The following MRPL48 variants were observed in gnomAD, a reference collection of about 807,000 sequenced individuals.
MRPL48 encodes the protein mitochondrial ribosomal protein L48.
Under a neutral mutation model 32.9 loss-of-function variants are expected in MRPL48, and 16 were observed. That is an observed-to-expected ratio of 0.49 (90% CI 0.33 to 0.74). The LOEUF (loss-of-function observed/expected upper bound fraction) is 0.74, where lower values mean the gene tolerates loss of function less well. Ranked by LOEUF, MRPL48 falls within the 30% of genes least tolerant of loss-of-function variation. The pLI, the probability that MRPL48 is intolerant of heterozygous loss-of-function variation, is 0.02. For synonymous variants in MRPL48, 94 were observed against 89.2 expected (o/e 1.05, Z -0.31); for missense variants, 206 against 245.3 (o/e 0.84, Z 1.07).
chr11:73,802,610 A>G (rs1330116557), intron 1 of MRPL48, among the ~76,000 whole-genome samples: 1 of 152,068 alleles, frequency 6.6e-6, no homozygotes, highest in Non-Finnish European at 1.5e-5. Flanking sequence ...ATTTAGTATA[A>G]TGTTTTCAAG....
At chr11:73,863,888 A>G (rs1273651955) in intron 7 of MRPL48, among the ~76,000 whole-genome samples, 3 of 151,980 alleles carry the variant, frequency 2.0e-5, no homozygotes, top group Non-Finnish European at 4.4e-5. Context: ...TCTGGTTGGT[A>G]TTTGGGTTTC....
At chr11:73,796,699 G>A (rs1048076891) in intron 1 of MRPL48, among the ~76,000 whole-genome samples, 3 of 152,272 alleles carry the variant, frequency 2.0e-5, no homozygotes, top group Middle Eastern at 3.4e-3. Context: ...GGAACTTAAC[G>A]GTACCTTTTC....
rs1947384407 is a variant in MRPL48, at chr11:73,802,887, G to A, written c.22-2140G>A. The stretch of plus-strand genomic sequence containing the variant: ...GCTAATTTTTTGTTTTGTAGAGAAA[G>A]GGTCTTCCTATGTTGGCCAGGCTGG... On this transcript the variant is annotated intron_variant, in intron 1 of 7. Coordinates refer to ENST00000310614, the MANE Select transcript of MRPL48 (RefSeq NM_016055.6). Among the ~76,000 whole-genome samples, 4 of 151,798 alleles carry A rather than the reference G, an allele frequency of 2.6e-5. No homozygotes were observed. The South Asian group carries it at 8.4e-4, about 32-fold the overall frequency.
At chr11:73,822,187 C>T (rs1947796152) in intron 3 of MRPL48, among the ~76,000 whole-genome samples, 2 of 152,088 alleles carry the variant, frequency 1.3e-5, no homozygotes, top group South Asian at 2.1e-4. Flanking sequence ...CTTTGGGAAC[C>T]TCTGGCCAAA....
chr11:73,835,023 G>T (rs1018258193), intron 4 of MRPL48, among the ~76,000 whole-genome samples: 1 of 151,284 alleles, frequency 6.6e-6, no homozygotes. Context: ...TGTGGAGATG[G>T]GGTCTTGCCA....
Position 73,806,376 on chromosome 11 carries a change from C to T in MRPL48, c.74+1297C>T, listed in dbSNP as rs191879735. On this transcript the variant is annotated intron_variant, in intron 2 of 7. Coordinates refer to ENST00000310614, the MANE Select transcript of MRPL48 (RefSeq NM_016055.6). ...ACCCCAGGATCTGTGCATATTCTTT[C>T]CTCAGATATCCATATGGTTTGTCCT... Among the ~76,000 whole-genome samples, 209 of 152,296 alleles carry T rather than the reference C, an allele frequency of 1.4e-3. 1 individual carries two copies. The highest frequency in any genetic ancestry group is 9.3e-3 in the South Asian group (45 of 4,824).
intron 3 of MRPL48, among the ~76,000 whole-genome samples, chr11:73,817,545 C>T (rs757054262): frequency 8.5e-5 from 13 of 152,172 alleles, no homozygotes; most frequent in Non-Finnish European, 1.9e-4. Flanking sequence ...TAGGTTAAAA[C>T]GTGCTTTCCC....
Position 73,806,925 on chromosome 11 carries a change from A to G in MRPL48, c.75-1388A>G, listed in dbSNP as rs150406393. ...ATCTCTTTCACCCAGGCTGGAGTGC[A>G]GTGGCACTATCTCAGTTCACTGCAA... On this transcript the variant is annotated intron_variant, in intron 2 of 7. Transcript: ENST00000310614. Among the ~76,000 whole-genome samples the G allele has an allele frequency of 7.2e-5, 11 of 151,822 alleles. No individual in the cohort carries two copies. In the East Asian group the frequency reaches 2.1e-3, roughly 29 times the overall value.
intron 5 of MRPL48, among the ~76,000 whole-genome samples, chr11:73,847,830 G>A (rs1048216662): frequency 3.3e-5 from 5 of 151,850 alleles, no homozygotes; most frequent in South Asian, 2.1e-4. Context: ...TCCACCCACC[G>A]TGACCTCCCA....
At chr11:73,807,805 T>C (rs1947483140) in intron 2 of MRPL48, among the ~76,000 whole-genome samples, 1 of 151,908 alleles carries the variant, frequency 6.6e-6, no homozygotes, top group African/African-American at 2.4e-5. Context: ...ACCCGGGTAA[T>C]TTTTTGTATT....
rs147687836 is a variant in MRPL48, at chr11:73,813,958, G to A, written c.112+5608G>A. Among the ~76,000 whole-genome samples, 879 of 150,804 alleles carry A rather than the reference G, an allele frequency of 5.8e-3. 25 individuals carry two copies. The highest frequency in any genetic ancestry group is 0.012 in the Admixed American group (178 of 15,102). On this transcript the variant is annotated intron_variant, in intron 3 of 7. Transcript: ENST00000310614. ...CCAGAGGCGGAGGCAGGGGAATGGC[G>A]TGAACCCGGGAGGCAGAGCTTGCAG...
At chr11:73,815,160 A>T (rs1301402625) in intron 3 of MRPL48, among the ~76,000 whole-genome samples, 2 of 152,018 alleles carry the variant, frequency 1.3e-5, no homozygotes, top group Non-Finnish European at 2.9e-5. Context: ...TCATGTTTGT[A>T]ATCTTAGCAC....
intron 3 of MRPL48, among the ~76,000 whole-genome samples, chr11:73,811,334 T>C (rs1947562455): frequency 6.6e-6 from 1 of 152,054 alleles, no homozygotes; most frequent in South Asian, 2.1e-4. Flanking sequence ...TGAATGAAAG[T>C]CCAAGAGTTA....
At chr11:73,846,919 A>T (rs1193849967) in intron 5 of MRPL48, among the ~76,000 whole-genome samples, 1 of 150,490 alleles carries the variant, frequency 6.6e-6, no homozygotes, top group Non-Finnish European at 1.5e-5. Context: ...TAATTTTAAA[A>T]TTTTTTGTAG....
At chr11:73,808,048 A>T (rs1188885574) in intron 2 of MRPL48, among the ~76,000 whole-genome samples, 1 of 152,142 alleles carries the variant, frequency 6.6e-6, no homozygotes, top group South Asian at 2.1e-4. Flanking sequence ...TTCTGGATCA[A>T]TACTATATTG....
chr11:73,837,663 T>C (rs1424927046), intron 4 of MRPL48, among the ~76,000 whole-genome samples: 2 of 152,074 alleles, frequency 1.3e-5, no homozygotes, highest in Admixed American at 1.3e-4. Context: ...AGAATGACAA[T>C]CCTGGGCCAT....
chr11:73,811,126 G>T (rs1431446109), intron 3 of MRPL48, among the ~76,000 whole-genome samples: 1 of 152,178 alleles, frequency 6.6e-6, no homozygotes, highest in East Asian at 1.9e-4. Flanking sequence ...ATCATGGCAG[G>T]CAAGAGGAGA....
At position 73,864,460 on chromosome 11, in the gene MRPL48, A is replaced by G; in HGVS notation, c.*90A>G. Reference sequence around the variant, plus strand: ...TAGTTAGAGTTCATCAGGAGACCCAACCCTTAGATTTCATAAGTACCCATT... The same window carrying G: ...TAGTTAGAGTTCATCAGGAGACCCAGCCCTTAGATTTCATAAGTACCCATT... On this transcript the variant is annotated 3_prime_UTR_variant, in exon 8 of 8. Transcript: ENST00000310614. The G allele has an allele frequency of 1.5e-6, 2 of 1,302,560 alleles. No homozygotes were observed. The highest frequency in any genetic ancestry group is 2.4e-5 in the East Asian group (1 of 41,108). The allele number at this position is 1,302,560 out of a possible 1,614,324, so 80.7% of individuals were successfully genotyped here. A position where few individuals can be genotyped will look rare whatever the true frequency, so the allele number is the denominator to read the frequency against.
At chr11:73,845,370 G>A (rs1383438268) in intron 5 of MRPL48, among the ~76,000 whole-genome samples, 1 of 152,162 alleles carries the variant, frequency 6.6e-6, no homozygotes, top group Non-Finnish European at 1.5e-5. Flanking sequence ...ATACACATAA[G>A]TTACCAGCTT....
Sources: gnomAD v4.1 joint callset for allele counts (sites outside exome capture counted in the v4.1 genomes callset) on GRCh38, gnomAD v4.1.1 for gene constraint, MANE v1.5 for transcripts, NCBI Gene and HGNC (gene_info 2026-07-23, HGNC 2026-07-21) for gene names.